SRFBP1: variants seen among roughly 807,000 people sequenced by gnomAD.
SRFBP1 encodes the protein serum response factor binding protein 1, also known as serum response factor-binding protein 1.
Under a neutral mutation model 45.5 loss-of-function variants are expected in SRFBP1, and 47 were observed. The ratio of observed to expected loss-of-function variants is 1.03; its 90% CI spans 0.82 to 1.32. SRFBP1 has a LOEUF of 1.32. SRFBP1 is among the 40% of genes most tolerant of loss of function. The pLI is 0.00. For synonymous variants in SRFBP1, 203 were observed against 166.3 expected, an observed-to-expected ratio of 1.22 and a Z score of -1.70; for missense variants, 621 against 484.6, an observed-to-expected ratio of 1.28 and a Z score of -2.64.
At chr5:122,074,927 A>T (rs1163097003) in intron 2 of SRFBP1, among the ~76,000 whole-genome samples, 3 of 152,256 alleles carry the variant, frequency 2.0e-5, no homozygotes, top group African/African-American at 7.2e-5. Context: ...AATTTAGGAT[A>T]GAAAAGGCAA....
At chr5:121,980,758 A>G (rs933419903) in intron 3 of SRFBP1, among the ~76,000 whole-genome samples, 2 of 152,068 alleles carry the variant, frequency 1.3e-5, no homozygotes, top group African/African-American at 4.8e-5. Context: ...TTAACTTTAA[A>G]CTATGTTTCT....
At chr5:122,077,311 G>A (rs1269425378), downstream of SRFBP1, 3 of 1,611,934 alleles carry the variant, frequency 1.9e-6, no homozygotes, top group Admixed American at 1.7e-5. This position sits in a 1 kb window ranked among gnomAD's most constrained non-coding sequence, Gnocchi z 4.9. Flanking sequence ...ACATAGCTGG[G>A]GACCAGGTGC....
At chr5:122,077,773 G>A (rs747652187), downstream of SRFBP1, 8 of 1,549,540 alleles carry the variant, frequency 5.2e-6, no homozygotes, top group South Asian at 2.4e-5. This position sits in a 1 kb window ranked among gnomAD's most constrained non-coding sequence, Gnocchi z 4.9. Context: ...CGGCGCCCGG[G>A]TCCCGGCGGC....
chr5:122,041,139 CTA>C (rs1044210145), intron 2 of SRFBP1, among the ~76,000 whole-genome samples: 4 of 151,990 alleles, frequency 2.6e-5, no homozygotes, highest in Non-Finnish European at 5.9e-5. Context: ...AGTTAGGAGG[CTA>C]TTAGAATAAT....
intron 2 of SRFBP1, among the ~76,000 whole-genome samples, chr5:122,033,721 A>C (rs1347500111): frequency 6.8e-6 from 1 of 147,390 alleles, no homozygotes; most frequent in Non-Finnish European, 1.5e-5. Flanking sequence ...AGACTCCCAG[A>C]GCGCTGGGAT....
chr5:122,005,841 T>A (rs1226775753), intron 4 of SRFBP1, among the ~76,000 whole-genome samples: 1 of 152,176 alleles, frequency 6.6e-6, no homozygotes, highest in East Asian at 1.9e-4. Context: ...TTAGGTGTTA[T>A]AATTTACGTG....
Position 121,962,019 on chromosome 5 carries a change from T to C in SRFBP1, c.-14T>C. ...CACGTGCAGGCAGCGGCGGATCATATTCCTTCATCTACCATGGCTCAGCCG... is the reference window on the plus strand; with the variant it reads ...CACGTGCAGGCAGCGGCGGATCATACTCCTTCATCTACCATGGCTCAGCCG... On this transcript the variant is annotated 5_prime_UTR_variant, in exon 1 of 8. Transcript: ENST00000339397. 2 of 1,613,678 alleles carry C rather than the reference T, an allele frequency of 1.2e-6. No homozygotes were observed. Among genetic ancestry groups the C allele is most frequent in the Non-Finnish European group, 1.7e-6 (2 of 1,179,868 alleles).
intron 1 of SRFBP1, among the ~76,000 whole-genome samples, chr5:121,963,362 T>C (rs959355032): frequency 6.6e-6 from 1 of 152,154 alleles, no homozygotes; most frequent in African/African-American, 2.4e-5. Context: ...AGCTTGTGCT[T>C]TGTGCCAGAA....
At chr5:121,967,788 G>A (rs1029190206) in intron 1 of SRFBP1, among the ~76,000 whole-genome samples, 2 of 152,124 alleles carry the variant, frequency 1.3e-5, no homozygotes, top group African/African-American at 2.4e-5. Context: ...GTGATGAGTC[G>A]AGATCACACA....
chr5:121,966,312 A>G (rs576154341), intron 1 of SRFBP1, among the ~76,000 whole-genome samples: 2 of 152,368 alleles, frequency 1.3e-5, no homozygotes, highest in African/African-American at 4.8e-5. Flanking sequence ...AAAATAAACC[A>G]TCACTTTTTA....
rs369927453 is a variant in SRFBP1 at position 122,020,595 on chromosome 5, T to C, written c.860T>C (p.Ile287Thr). 22 of 1,613,838 alleles carry C rather than the reference T, an allele frequency of 1.4e-5. No individual in the cohort carries two copies. The highest frequency in any genetic ancestry group is 4.5e-5 in the East Asian group (2 of 44,868). Residue 287 changes from isoleucine (I) to threonine (T), a missense_variant, in exon 6 of 8, where the codon ATT becomes ACT. Transcript: ENST00000339397. ...EDSDSGDDFFIGKVRRTRKKE... is the reference protein window; with the variant it reads ...EDSDSGDDFFTGKVRRTRKKE... ...AGTGATAGCGGTGACGACTTCTTCATTGGGAAAGTCAGACGGACACGAAAG... is the reference window on the plus strand; with the variant it reads ...AGTGATAGCGGTGACGACTTCTTCACTGGGAAAGTCAGACGGACACGAAAG...
intron 1 of SRFBP1, among the ~76,000 whole-genome samples, chr5:121,967,243 T>A (rs1224243398): frequency 1.3e-5 from 2 of 152,136 alleles, no homozygotes; most frequent in Admixed American, 1.3e-4. Context: ...AAGAACCACG[T>A]TTGTATGCGC....
chr5:122,021,078 C>G (rs1753305700), intron 6 of SRFBP1, among the ~76,000 whole-genome samples: 1 of 152,138 alleles, frequency 6.6e-6, no homozygotes, highest in Non-Finnish European at 1.5e-5. Flanking sequence ...AGTTTTGAAA[C>G]TTTGAAATCT....
intron 2 of SRFBP1, among the ~76,000 whole-genome samples, chr5:122,042,275 T>C (rs971699021): frequency 6.6e-6 from 1 of 152,154 alleles, no homozygotes; most frequent in Non-Finnish European, 1.5e-5. Context: ...AAAATTTTAT[T>C]TTTTATTTTT....
chr5:122,002,459 A>G (rs1440274300), intron 4 of SRFBP1, among the ~76,000 whole-genome samples: 1 of 152,212 alleles, frequency 6.6e-6, no homozygotes, highest in East Asian at 1.9e-4. Context: ...TATAACTTCA[A>G]AAACTGAATT....
intron 2 of SRFBP1, among the ~76,000 whole-genome samples, chr5:122,050,932 G>A (rs1205890949): frequency 6.6e-6 from 1 of 152,134 alleles, no homozygotes; most frequent in African/African-American, 2.4e-5. Context: ...CTGTGTCCTA[G>A]AGATTCTAGT....
At chr5:122,071,106 G>T (rs183282448) in intron 2 of SRFBP1, among the ~76,000 whole-genome samples, 18 of 152,166 alleles carry the variant, frequency 1.2e-4, no homozygotes, top group African/African-American at 4.3e-4. Context: ...GAGGCTGCAA[G>T]TTCCCTAAGG....
chr5:121,979,627 T>G (rs533152098), intron 3 of SRFBP1, among the ~76,000 whole-genome samples: 24 of 152,150 alleles, frequency 1.6e-4, no homozygotes, highest in Non-Finnish European at 3.4e-4. Flanking sequence ...GTGTTAGAGA[T>G]CTCACCTAGA....
intron 5 of SRFBP1, 22 bp from the exon 6 acceptor site, chr5:122,020,066 T>C: frequency 6.8e-7 from 1 of 1,463,516 alleles, no homozygotes; most frequent in Non-Finnish European, 9.2e-7. Flanking sequence ...CTAAAATGAG[T>C]GATGCACTGT....
Sources: allele counts gnomAD v4.1 joint callset (sites outside exome capture counted in the v4.1 genomes callset), GRCh38; gene constraint gnomAD v4.1.1; non-coding constraint Gnocchi (gnomAD v3.1); transcripts MANE v1.5; gene names NCBI Gene and HGNC (gene_info 2026-07-23, HGNC 2026-07-21).